Variants in DCC observed in about 807,000 individuals in gnomAD.
The protein encoded by DCC is DCC netrin 1 receptor.
A neutral mutation model predicts 172.5 loss-of-function variants in DCC; 58 were observed. The observed-to-expected ratio is 0.34, with a 90% CI of 0.27 to 0.42. The LOEUF is 0.42. Ranked by LOEUF, DCC falls within the 10% of genes least tolerant of loss-of-function variation. DCC has a pLI of 1.00. For synonymous variants in DCC, 709 were observed against 644.5 expected (o/e 1.10, Z -1.52); for missense variants, 1,740 against 1,791.0 (o/e 0.97, Z 0.51).
At chr18:52,551,975 T>C (rs562286006) in intron 1 of DCC, among the ~76,000 whole-genome samples, 2 of 151,418 alleles carry the variant, frequency 1.3e-5, no homozygotes, top group East Asian at 3.9e-4. Flanking sequence ...GTGGGGGGTA[T>C]TGATGCATGT....
chr18:52,480,316 ATTCTT>A (rs1179220640), intron 1 of DCC, among the ~76,000 whole-genome samples: 1 of 152,140 alleles, frequency 6.6e-6, no homozygotes. Context: ...TAAAATGAGG[ATTCTT>A]TTCTTGTTTC....
At position 52,389,368 on chromosome 18, in the gene DCC, G is replaced by C. The variant is rs189831328; in HGVS notation, c.91+48490G>C. On this transcript the variant is annotated intron_variant, in intron 1 of 28. Coordinates refer to ENST00000442544, the MANE Select transcript of DCC (RefSeq NM_005215.4). ...GGAACATATTTCTACTAAGAAATTA[G>C]TCATAGTTTATCTGAAATTCAAATT... Among the ~76,000 whole-genome samples the C allele has an allele frequency of 4.6e-4, 70 of 152,172 alleles. No homozygotes were observed. In the East Asian group the frequency reaches 0.012, roughly 26 times the overall value.
intron 7 of DCC, among the ~76,000 whole-genome samples, chr18:53,146,300 G>A (rs969986161): frequency 2.6e-5 from 4 of 152,186 alleles, no homozygotes; most frequent in African/African-American, 9.7e-5. Flanking sequence ...CAGTTCTGGA[G>A]GCTGGGAGCA....
intron 2 of DCC, among the ~76,000 whole-genome samples, chr18:52,752,715 C>T (rs2037017177): frequency 6.6e-6 from 1 of 152,122 alleles, no homozygotes; most frequent in Non-Finnish European, 1.5e-5. Context: ...TCACTGAAAC[C>T]TTGTGCCCTT....
chr18:53,266,475 T>TCA (rs1350401516), intron 12 of DCC, among the ~76,000 whole-genome samples: 2 of 152,178 alleles, frequency 1.3e-5, no homozygotes, highest in Non-Finnish European at 2.9e-5. Context: ...TTACAAACAC[T>TCA]CAAAGTTGAG....
intron 25 of DCC, chr18:53,481,146 G>A (rs2045827452): frequency 6.6e-6 from 1 of 152,144 alleles, no homozygotes; most frequent in African/African-American, 2.4e-5. Context: ...CCTTATCTTA[G>A]AAGAGACATA....
chr18:53,194,225 C>A (rs571449488), intron 9 of DCC, among the ~76,000 whole-genome samples: 1 of 152,134 alleles, frequency 6.6e-6, no homozygotes, highest in East Asian at 1.9e-4. Context: ...AAGCAAGAAG[C>A]CAGTGAATGC....
intron 10 of DCC, 39 bp from the exon 11 acceptor site, chr18:53,207,640 T>G: frequency 1.3e-6 from 2 of 1,596,698 alleles, no homozygotes; most frequent in South Asian, 1.1e-5. Flanking sequence ...TACTTTAATG[T>G]GCTTCCTTGA....
intron 16 of DCC, among the ~76,000 whole-genome samples, chr18:53,387,066 CAG>C (rs1434089764): frequency 1.3e-5 from 2 of 152,182 alleles, no homozygotes; most frequent in East Asian, 1.9e-4. Flanking sequence ...TTAACGAAAA[CAG>C]AGGATCTGAG....
At chr18:52,986,252 G>A (rs922199880) in intron 5 of DCC, among the ~76,000 whole-genome samples, 8 of 152,124 alleles carry the variant, frequency 5.3e-5, no homozygotes, top group East Asian at 1.9e-4. Context: ...TCCTACCTGC[G>A]AAAATCATTA....
At chr18:53,288,244 A>C (rs1351881808) in intron 12 of DCC, among the ~76,000 whole-genome samples, 1 of 152,102 alleles carries the variant, frequency 6.6e-6, no homozygotes, top group African/African-American at 2.4e-5. Flanking sequence ...AAACCTTTTC[A>C]TTTCTAGAAC....
chr18:53,204,509 T>C (rs1010080710), intron 9 of DCC, among the ~76,000 whole-genome samples: 1 of 150,858 alleles, frequency 6.6e-6, no homozygotes, highest in African/African-American at 2.4e-5. Flanking sequence ...ATCATGCCAC[T>C]GCACTCCAGC....
chr18:53,429,412 T>G (rs2145104196), intron 21 of DCC, among the ~76,000 whole-genome samples: 1 of 151,852 alleles, frequency 6.6e-6, no homozygotes, highest in South Asian at 2.1e-4. Flanking sequence ...TCCTGGTATT[T>G]TTTTTGTAAT....
intron 5 of DCC, among the ~76,000 whole-genome samples, chr18:53,040,348 C>G (rs1256950187): frequency 6.6e-6 from 1 of 151,922 alleles, no homozygotes; most frequent in Non-Finnish European, 1.5e-5. Context: ...GGAGTAAGCC[C>G]TATTTCTCTG....
intron 14 of DCC, 59 bp downstream of exon 14, chr18:53,322,216 A>C: frequency 5.3e-6 from 5 of 951,654 alleles, no homozygotes; most frequent in East Asian, 2.4e-5. Context: ...TCAGCTTCAA[A>C]AGGTCTCTTA....
intron 5 of DCC, among the ~76,000 whole-genome samples, chr18:53,048,098 A>G (rs569909975): frequency 2.0e-5 from 3 of 151,928 alleles, no homozygotes; most frequent in Non-Finnish European, 4.4e-5. Context: ...TTTTGAGAAT[A>G]CTGAGTCTCT....
intron 1 of DCC, among the ~76,000 whole-genome samples, chr18:52,526,001 C>A (rs2031970291): frequency 6.6e-6 from 1 of 152,128 alleles, no homozygotes; most frequent in African/African-American, 2.4e-5. Flanking sequence ...CATTATGTAA[C>A]CTTTATTTTC....
Position 53,205,199 on chromosome 18 carries a change from A to G in DCC, c.1574-17A>G. The G allele has an allele frequency of 6.2e-7, 1 of 1,606,490 alleles. No homozygotes were observed. Among genetic ancestry groups the G allele is most frequent in the Non-Finnish European group, 8.5e-7 (1 of 1,173,362 alleles). ...CCTAATCACTTTTCTTTCTTTCTTT[A>G]TTATTTTTTTATACAGTGCAAGTTC... On this transcript the variant is annotated splice_polypyrimidine_tract_variant and intron_variant, in intron 9 of 28. Coordinates refer to ENST00000442544, the MANE Select transcript of DCC (RefSeq NM_005215.4).
intron 1 of DCC, among the ~76,000 whole-genome samples, chr18:52,660,673 A>G (rs2035342321): frequency 6.6e-6 from 1 of 152,196 alleles, no homozygotes; most frequent in South Asian, 2.1e-4. Context: ...CTTGTCATTC[A>G]ATTCATAGCT....
Sources: allele counts gnomAD v4.1 joint callset (sites outside exome capture counted in the v4.1 genomes callset), GRCh38; gene constraint gnomAD v4.1.1; transcripts MANE v1.5; gene names NCBI Gene and HGNC (gene_info 2026-07-23, HGNC 2026-07-21).